The following AGBL4 variants were observed in gnomAD, a reference collection of about 807,000 sequenced individuals.
The protein encoded by AGBL4 is cytosolic carboxypeptidase 6.
In AGBL4, 58 loss-of-function variants were observed where a neutral mutation model predicts 66.4. The observed-to-expected ratio is 0.87, with a 90% CI of 0.71 to 1.09. The LOEUF is 1.09. AGBL4 is among the 50% of genes least tolerant of loss of function. The pLI, the probability that AGBL4 is intolerant of heterozygous loss-of-function variation, is 0.00. For missense variants in AGBL4, 579 were observed against 631.0 expected, an observed-to-expected ratio of 0.92 and a Z score of 0.88; for synonymous variants, 234 against 222.9, an observed-to-expected ratio of 1.05 and a Z score of -0.44.
At chr1:49,276,276 C>A (rs964326543) in intron 3 of AGBL4, among the ~76,000 whole-genome samples, 1 of 152,034 alleles carries the variant, frequency 6.6e-6, no homozygotes, top group Admixed American at 6.6e-5. Flanking sequence ...CTCTTTTCTG[C>A]TTATTCCAGT....
intron 2 of AGBL4, among the ~76,000 whole-genome samples, chr1:49,839,431 A>T (rs991590340): frequency 2.0e-5 from 3 of 152,124 alleles, no homozygotes; most frequent in Non-Finnish European, 4.4e-5. Context: ...TTTTTCTCTA[A>T]ATGAGATAAT....
chr1:48,558,278 G>A (rs1018939825), intron 11 of AGBL4, among the ~76,000 whole-genome samples: 3 of 152,216 alleles, frequency 2.0e-5, no homozygotes, highest in Admixed American at 1.3e-4. Context: ...ACTTGACAGT[G>A]CATCAGTGGT....
intron 6 of AGBL4, among the ~76,000 whole-genome samples, chr1:48,756,254 A>G (rs1643919247): frequency 6.6e-6 from 1 of 152,244 alleles, no homozygotes; most frequent in African/African-American, 2.4e-5. Flanking sequence ...TTCAGGCTTC[A>G]GCCTAAAAGT....
chr1:49,848,970 T>C (rs1646230768), intron 2 of AGBL4, among the ~76,000 whole-genome samples: 3 of 152,086 alleles, frequency 2.0e-5, no homozygotes, highest in Admixed American at 2.0e-4. Context: ...CTATCAAACA[T>C]TTTTGAAAAT....
At chr1:49,994,578 T>A (rs1219163037) in intron 1 of AGBL4, 1 of 152,386 alleles carries the variant, frequency 6.6e-6, no homozygotes, top group Non-Finnish European at 1.5e-5. Flanking sequence ...GACTCTTGTC[T>A]CTGCAGAATA....
intron 3 of AGBL4, among the ~76,000 whole-genome samples, chr1:49,589,396 C>T (rs1011550517): frequency 1.3e-5 from 2 of 151,922 alleles, no homozygotes; most frequent in African/African-American, 4.8e-5. Context: ...TGTTAATTCC[C>T]TTTTTCACTA....
At chr1:49,030,613 T>A (rs1396240025) in intron 5 of AGBL4, among the ~76,000 whole-genome samples, 1 of 151,818 alleles carries the variant, frequency 6.6e-6, no homozygotes, top group Non-Finnish European at 1.5e-5. Context: ...AAGGAAGGGA[T>A]CTAGGTTGTG....
chr1:49,567,097 A>G (rs1239751036), intron 3 of AGBL4, among the ~76,000 whole-genome samples: 1 of 152,338 alleles, frequency 6.6e-6, no homozygotes, highest in Non-Finnish European at 1.5e-5. Flanking sequence ...GGACCCTCCA[A>G]GCCAGATGCA....
chr1:49,795,214 G>C lies in AGBL4; in HGVS notation c.157+56182C>G, dbSNP rs1000006768. ...GCTGATATTTAAAAAAAAAATAGAAGTACCATTCTAAAGTATATGAGGACT... is the reference window on the plus strand; with the variant it reads ...GCTGATATTTAAAAAAAAAATAGAACTACCATTCTAAAGTATATGAGGACT... On this transcript the variant is annotated intron_variant, in intron 2 of 13. Coordinates refer to ENST00000371839, the MANE Select transcript of AGBL4 (RefSeq NM_032785.4). 2.0e-5 allele frequency among the ~76,000 whole-genome samples: 3 copies of C among 151,630 alleles called. No homozygotes were observed. In the South Asian group the frequency reaches 6.2e-4, roughly 31 times the overall value.
chr1:49,551,250 A>T (rs899244699), intron 3 of AGBL4, among the ~76,000 whole-genome samples: 2 of 152,158 alleles, frequency 1.3e-5, no homozygotes, highest in African/African-American at 4.8e-5. Context: ...TCTCTGGTGC[A>T]TCCCTGATTA....
intron 3 of AGBL4, among the ~76,000 whole-genome samples, chr1:49,536,353 T>C (rs1289086904): frequency 6.6e-6 from 1 of 152,166 alleles, no homozygotes; most frequent in African/African-American, 2.4e-5. Context: ...CAGAAATTTT[T>C]ATCTGTGTGT....
chr1:49,021,743 A>C (rs756128002), intron 5 of AGBL4, among the ~76,000 whole-genome samples: 3 of 152,186 alleles, frequency 2.0e-5, no homozygotes, highest in Non-Finnish European at 4.4e-5. Flanking sequence ...TTTTGTTGAC[A>C]TTCAAAGAGC....
At chr1:48,790,429 CT>C (rs1205847531) in intron 6 of AGBL4, among the ~76,000 whole-genome samples, 2 of 151,912 alleles carry the variant, frequency 1.3e-5, no homozygotes, top group Non-Finnish European at 2.9e-5. Context: ...TCTTTTTTCC[CT>C]TTTTTTGGCA....
At chr1:48,967,028 T>G (rs1658489744) in intron 5 of AGBL4, among the ~76,000 whole-genome samples, 1 of 146,222 alleles carries the variant, frequency 6.8e-6, no homozygotes, top group East Asian at 2.0e-4. Context: ...TTTACATTTT[T>G]TTTTTAAACA....
chr1:49,755,012 T>C lies in AGBL4; in HGVS notation c.158-57575A>G, dbSNP rs955352861. Among the ~76,000 whole-genome samples, 22 of 152,230 alleles carry C rather than the reference T, an allele frequency of 1.4e-4. 1 individual carries two copies. Among genetic ancestry groups the C allele is most frequent in the African/African-American group, 5.3e-4 (22 of 41,466 alleles). The stretch of plus-strand genomic sequence containing the variant: ...CCCCACACCATACTGTAGATGGTAA[T>C]CTGCTTTACTCCAAGCCTAATAATT... On this transcript the variant is annotated intron_variant, in intron 2 of 13. Transcript: ENST00000371839.
At chr1:49,472,270 A>C (rs1274216748) in intron 3 of AGBL4, among the ~76,000 whole-genome samples, 2 of 152,070 alleles carry the variant, frequency 1.3e-5, no homozygotes, top group African/African-American at 2.4e-5. Context: ...CAAAATGGTC[A>C]AGTTTTACTA....
intron 5 of AGBL4, among the ~76,000 whole-genome samples, chr1:48,891,290 T>C (rs1650937394): frequency 6.6e-6 from 1 of 152,096 alleles, no homozygotes; most frequent in Non-Finnish European, 1.5e-5. Flanking sequence ...GGTCAAGACT[T>C]TTTAGCTTGT....
At chr1:49,141,220 T>C (rs772306418) in intron 4 of AGBL4, among the ~76,000 whole-genome samples, 7 of 152,232 alleles carry the variant, frequency 4.6e-5, no homozygotes, top group Middle Eastern at 3.2e-3. Flanking sequence ...TGAATTCAAA[T>C]GAATTAGAGA....
chr1:49,348,698 T>A (rs1228599374), intron 3 of AGBL4, among the ~76,000 whole-genome samples: 1 of 152,200 alleles, frequency 6.6e-6, no homozygotes, highest in African/African-American at 2.4e-5. Context: ...AGAATAGATT[T>A]CCATAGTTTT....
Sources: allele counts gnomAD v4.1 joint callset (sites outside exome capture counted in the v4.1 genomes callset), GRCh38; gene constraint gnomAD v4.1.1; transcripts MANE v1.5; gene names NCBI Gene and HGNC (gene_info 2026-07-23, HGNC 2026-07-21).